The following SUMF1 variants were observed in gnomAD, a reference collection of about 807,000 sequenced individuals.
SUMF1 encodes sulfatase modifying factor 1, also known as formylglycine-generating enzyme.
Under a neutral mutation model 47.6 loss-of-function variants are expected in SUMF1, and 48 were observed. The ratio of observed to expected loss-of-function variants is 1.01; its 90% CI spans 0.80 to 1.28. SUMF1 has a LOEUF of 1.28. SUMF1 is among the 50% of genes most tolerant of loss of function. The pLI, the probability that SUMF1 is intolerant of heterozygous loss-of-function variation, is 0.00. For synonymous variants in SUMF1, 230 were observed against 192.1 expected (o/e 1.20, Z -1.63); for missense variants, 571 against 485.4 (o/e 1.18, Z -1.66).
chr3:4,047,424 G>A (rs1695025463), intron 9 of SUMF1, among the ~76,000 whole-genome samples: 1 of 152,102 alleles, frequency 6.6e-6, no homozygotes, highest in Admixed American at 6.6e-5. Context: ...GGGATTCGGT[G>A]CTTACAGGAG....
At chr3:4,428,010 T>G (rs1484626851) in intron 3 of SUMF1, among the ~76,000 whole-genome samples, 1 of 152,248 alleles carries the variant, frequency 6.6e-6, no homozygotes, top group African/African-American at 2.4e-5. Flanking sequence ...CAATTTTTAC[T>G]CATTTTCATC....
chr3:4,401,267 A>G (rs772694737), intron 7 of SUMF1, among the ~76,000 whole-genome samples: 1 of 152,138 alleles, frequency 6.6e-6, no homozygotes, highest in African/African-American at 2.4e-5. Flanking sequence ...TAGTGCCACA[A>G]TAAACATACG....
chr3:4,122,904 G>A (rs546551596), intron 8 of SUMF1, among the ~76,000 whole-genome samples: 10 of 152,228 alleles, frequency 6.6e-5, no homozygotes, highest in East Asian at 1.9e-4. Context: ...GCAACACCTC[G>A]GCATCAACCA....
intron 3 of SUMF1, among the ~76,000 whole-genome samples, chr3:4,436,010 A>G (rs1702384433): frequency 6.6e-6 from 1 of 152,254 alleles, no homozygotes; most frequent in Admixed American, 6.5e-5. Context: ...GGCGGGGTGC[A>G]GTGATGCACA....
intron 8 of SUMF1, among the ~76,000 whole-genome samples, chr3:4,293,176 T>C (rs370528413): frequency 5.9e-5 from 9 of 152,284 alleles, no homozygotes; most frequent in African/African-American, 2.2e-4. Context: ...GACCAATCAT[T>C]CATCAACCAC....
At chr3:4,188,980 A>G (rs977193292) in intron 8 of SUMF1, among the ~76,000 whole-genome samples, 1 of 152,138 alleles carries the variant, frequency 6.6e-6, no homozygotes, top group African/African-American at 2.4e-5. Context: ...ATATTTCACC[A>G]TTTTGACCGA....
At chr3:4,077,938 A>T (rs1692475289) in intron 8 of SUMF1, among the ~76,000 whole-genome samples, 2 of 152,104 alleles carry the variant, frequency 1.3e-5, no homozygotes, top group African/African-American at 4.8e-5. Flanking sequence ...GAAAGAGACC[A>T]TGGAAGAAAG....
chr3:4,065,745 C>A (rs795728), intron 9 of SUMF1, among the ~76,000 whole-genome samples: 145,108 of 152,170 alleles, frequency 0.95, 69,226 homozygotes, highest in East Asian at 0.98. Flanking sequence ...TACAACAACC[C>A]AGCAAGGCAG....
At chr3:4,273,160 G>A (rs926435463) in intron 8 of SUMF1, among the ~76,000 whole-genome samples, 7 of 150,452 alleles carry the variant, frequency 4.7e-5, no homozygotes, top group Non-Finnish European at 7.4e-5. Context: ...ATATGGTCCA[G>A]TAATTCCACT....
chr3:4,429,916 G>A (rs749814716), intron 3 of SUMF1, among the ~76,000 whole-genome samples: 6 of 152,168 alleles, frequency 3.9e-5, no homozygotes, highest in African/African-American at 1.2e-4. Context: ...TTCTCCTGCT[G>A]GTGGAGGCAA....
chr3:4,065,498 C>T lies in SUMF1; in HGVS notation c.1191+3071G>A, dbSNP rs150583252. On this transcript the variant is annotated intron_variant and NMD_transcript_variant, in intron 9 of 12. Coordinates refer to the SUMF1 transcript ENST00000448413. ...CAGAACCGTATTTTTAAAAATAATA[C>T]TTTTAAGGTTCAGAGAATCTACTAT... is the stretch of plus-strand genomic sequence containing the variant. 9.2e-3 allele frequency among the ~76,000 whole-genome samples: 1,399 copies of T among 152,234 alleles called. 8 individuals carry two copies. The highest frequency in any genetic ancestry group is 0.017 in the South Asian group (83 of 4,820).
intron 3 of SUMF1, among the ~76,000 whole-genome samples, chr3:4,444,572 T>A (rs1702715444): frequency 6.6e-6 from 1 of 152,196 alleles, no homozygotes; most frequent in African/African-American, 2.4e-5. Context: ...ATGGTAGCAT[T>A]AGTATTATTG....
intron 8 of SUMF1, among the ~76,000 whole-genome samples, chr3:4,277,857 A>G (rs1575046435): frequency 6.6e-6 from 1 of 152,230 alleles, no homozygotes; most frequent in South Asian, 2.1e-4. Flanking sequence ...GTACCTTTAA[A>G]CAGGGCCCAT....
chr3:4,058,193 A>G (rs317532), intron 9 of SUMF1, among the ~76,000 whole-genome samples: 14,448 of 152,096 alleles, frequency 0.095, 2,178 homozygotes, highest in African/African-American at 0.32. Flanking sequence ...AATCCAGGCA[A>G]TATAGCACCA....
intron 9 of SUMF1, among the ~76,000 whole-genome samples, chr3:4,052,665 G>T (rs1401053861): frequency 6.6e-6 from 1 of 152,084 alleles, no homozygotes; most frequent in Non-Finnish European, 1.5e-5. Context: ...TTTGTCTACT[G>T]TTTTTGTCCA....
chr3:4,102,485 TAGTC>T (rs1693059393), intron 8 of SUMF1, among the ~76,000 whole-genome samples: 1 of 152,104 alleles, frequency 6.6e-6, no homozygotes, highest in Non-Finnish European at 1.5e-5. Flanking sequence ...GCTCCTCACT[TAGTC>T]AGTAGTGAGG....
chr3:4,376,228 A>G (rs1422236494), intron 8 of SUMF1, 102 bp downstream of exon 8: 1 of 1,401,912 alleles, frequency 7.1e-7, no homozygotes, highest in Admixed American at 1.7e-5. Flanking sequence ...TTAGGTAGGC[A>G]TTTGCAGAAG....
At chr3:4,301,964 A>G (rs1379630647) in intron 8 of SUMF1, among the ~76,000 whole-genome samples, 2 of 152,228 alleles carry the variant, frequency 1.3e-5, no homozygotes, top group African/African-American at 4.8e-5. Flanking sequence ...GGTCAAGGGC[A>G]GAACCCTGAA....
chr3:4,300,017 C>G (rs1697930279), intron 8 of SUMF1, among the ~76,000 whole-genome samples: 1 of 152,126 alleles, frequency 6.6e-6, no homozygotes, highest in Non-Finnish European at 1.5e-5. Context: ...TGTCCTCATC[C>G]AAGCCTCATG....
Sources: gnomAD v4.1 joint callset for allele counts (sites outside exome capture counted in the v4.1 genomes callset) on GRCh38, gnomAD v4.1.1 for gene constraint, MANE v1.5 for transcripts, NCBI Gene and HGNC (gene_info 2026-07-23, HGNC 2026-07-21) for gene names.